DDX56: variants seen among roughly 807,000 people sequenced by gnomAD.
DDX56 encodes the protein DEAD-box helicase 56.
Under a neutral mutation model 61.5 loss-of-function variants are expected in DDX56, and 45 were observed. That is an observed-to-expected ratio of 0.73 (90% CI 0.58 to 0.94). The LOEUF (loss-of-function observed/expected upper bound fraction) is 0.94. DDX56 is among the 40% of genes least tolerant of loss of function. The pLI is 0.00. For missense variants in DDX56, 708 were observed against 690.7 expected, an observed-to-expected ratio of 1.02 and a Z score of -0.28; for synonymous variants, 273 against 268.3, an observed-to-expected ratio of 1.02 and a Z score of -0.17.
intron 9 of DDX56, 122 bp downstream of exon 9, chr7:44,569,687 G>C (rs1434250241): frequency 1.2e-6 from 1 of 854,602 alleles, no homozygotes; most frequent in Non-Finnish European, 1.9e-6. Context: ...GCAGAACAAG[G>C]ATGGATGGTG....
chr7:44,573,063 G>C lies in DDX56; in HGVS notation c.223-13C>G. 6.4e-7 allele frequency: 1 copy of C among 1,552,236 alleles called. No homozygotes were observed. The highest frequency in any genetic ancestry group is 1.2e-5 in the South Asian group (1 of 81,416). On this transcript the variant is annotated splice_polypyrimidine_tract_variant and intron_variant, in intron 2 of 13. Coordinates refer to ENST00000258772, the MANE Select transcript of DDX56 (RefSeq NM_019082.4). ...CCACCGGACCTGTCTGTAAGAATAT[G>C]AATTAAAGACTTTAGCCAGCAGTGC...
intron 5 of DDX56, 57 bp downstream of exon 5, chr7:44,572,290 A>C: frequency 7.0e-7 from 1 of 1,433,162 alleles, no homozygotes; most frequent in Non-Finnish European, 9.8e-7. Context: ...AAGGAGCATC[A>C]AGATCTTTGA....
rs745377534 is a variant in DDX56 at position 44,573,568 on chromosome 7, T to G, written c.222+15A>C. 1 of 1,611,292 alleles carries G rather than the reference T, an allele frequency of 6.2e-7. No individual in the cohort carries two copies. On this transcript the variant is annotated intron_variant, in intron 2 of 13. Transcript: ENST00000258772. ...AGCTTGCCTCCTTCCTCCCCTCAGC[T>G]CTCTCGTTACCCACCGCCTTCCTAT...
At chr7:44,572,498 T>C in intron 4 of DDX56, 61 bp from the exon 5 acceptor site, 1 of 1,613,364 alleles carries the variant, frequency 6.2e-7, no homozygotes, top group East Asian at 2.2e-5. Context: ...AGTAACTGGC[T>C]TCCAGCCACC....
rs1465076024 is a variant in DDX56 at position 44,570,042 on chromosome 7, G to A, written c.1097C>T (p.Pro366Leu). ...AVLNFDLPPTPEAYIHRAGRT... is the reference protein window; with the variant it reads ...AVLNFDLPPTLEAYIHRAGRT... ...GCCAGCTCGATGGATGTAGGCCTCAGGGGTTGGGGGAAGATCAAAGTTGAG... is the reference window on the plus strand; with the variant it reads ...GCCAGCTCGATGGATGTAGGCCTCAAGGGTTGGGGGAAGATCAAAGTTGAG... The change falls in exon 8 of 14, where the codon CCT (proline) becomes CTT (leucine). Residue 366 changes from proline to leucine, a missense_variant. Physicochemically the swap from Pro to Leu is moderately conservative, Grantham distance 98 (BLOSUM62 -3). Coordinates refer to ENST00000258772, the MANE Select transcript of DDX56 (RefSeq NM_019082.4). 6.2e-7 allele frequency: 1 copy of A among 1,614,214 alleles called. No individual in the cohort carries two copies. The highest frequency in any genetic ancestry group is 1.7e-5 in the Admixed American group (1 of 60,032).
chr7:44,566,564 C>T, intron 12 of DDX56, 40 bp from the exon 13 acceptor site: 1 of 1,461,694 alleles, frequency 6.8e-7, no homozygotes, highest in Non-Finnish European at 9.3e-7. Flanking sequence ...CTCACCGCTA[C>T]TGCTCCCATC....
At position 44,573,821 on chromosome 7, in the gene DDX56, A is replaced by G; in HGVS notation, c.60+15T>C. 1 of 1,613,300 alleles carries G rather than the reference A, an allele frequency of 6.2e-7. No homozygotes were observed. The highest frequency in any genetic ancestry group is 8.5e-7 in the Non-Finnish European group (1 of 1,179,992). On this transcript the variant is annotated intron_variant, in intron 1 of 13. Coordinates refer to ENST00000258772, the MANE Select transcript of DDX56 (RefSeq NM_019082.4). ...CGCAGAGCCCGTAAGCCGGCTCCCC[A>G]GCCCTCGCGTGTACCTGAAGGAGCC...
chr7:44,572,507 C>T (rs1802702654), intron 4 of DDX56, 67 bp downstream of exon 4: 8 of 1,613,114 alleles, frequency 5.0e-6, no homozygotes, highest in African/African-American at 1.3e-5. Context: ...CTTCCAGCCA[C>T]CCCGCTCTCG....
In DDX56 at chr7:44,566,062, G is replaced by A. The variant is rs1005519853; in HGVS notation, c.1584C>T (p.Asn528=). Residue 528 remains asparagine (N), a synonymous_variant, in exon 14 of 14, where the codon AAC becomes AAT. Transcript: ENST00000258772. ...CRKAKRAKSQ[N]PLRSFKHKGK... is the part of the protein sequence containing the mutation. Reference sequence around the variant, plus strand: ...CTTTGTGCTTGAAGCTGCGCAGTGGGTTCTGGGACTTTGCTCTCTAAGGAG... The same window carrying A: ...CTTTGTGCTTGAAGCTGCGCAGTGGATTCTGGGACTTTGCTCTCTAAGGAG... 6.2e-7 allele frequency: 1 copy of A among 1,612,036 alleles called. No individual in the cohort carries two copies. Among genetic ancestry groups the A allele is most frequent in the South Asian group, 1.1e-5 (1 of 90,712 alleles).
chr7:44,571,139 A>C (rs2117125273), intron 6 of DDX56, among the ~76,000 whole-genome samples: 1 of 152,330 alleles, frequency 6.6e-6, no homozygotes, highest in Admixed American at 6.5e-5. Context: ...CCCGGGCTCA[A>C]GCAATTCTCC....
rs217374 is a variant in DDX56 at position 44,572,748 on chromosome 7, G to C, written c.384-4C>G. On this transcript the variant is annotated splice_polypyrimidine_tract_variant and splice_region_variant and intron_variant, in intron 3 of 13. Transcript: ENST00000258772. ...TGGCTTCTCCATCAGCACAGCTCTG[G>C]AGGTGGACAAGACATCAGTATCAGG... is the stretch of plus-strand genomic sequence containing the variant. 0.62 allele frequency: 1,002,847 copies of C among 1,613,184 alleles called. 317,910 individuals carry two copies. The highest frequency in any genetic ancestry group is 0.9 in the African/African-American group (67,728 of 75,016).
intron 2 of DDX56, 93 bp from the exon 3 acceptor site, chr7:44,573,143 G>A: frequency 1.7e-6 from 2 of 1,169,328 alleles, no homozygotes; most frequent in Non-Finnish European, 2.4e-6. Context: ...CCCATCTGCT[G>A]CAACACTACT....
rs973203200 is a variant in DDX56, at chr7:44,568,342, G to A, written c.1384-119C>T. On this transcript the variant is annotated intron_variant, in intron 11 of 13. Coordinates refer to ENST00000258772, the MANE Select transcript of DDX56 (RefSeq NM_019082.4). ...CAAAAGGCATGAGGCAGCTGCTTCT[G>A]TGCATTTCTCAGAACCTCCCGGGAG... 7.6e-5 allele frequency: 54 copies of A among 715,232 alleles called. No homozygotes were observed. The African/African-American group carries it at 9.3e-4, about 12-fold the overall frequency. 44.3% of individuals were successfully genotyped at this position (715,232 alleles called of 1,614,324 possible).
chr7:44,568,535 A>G (rs1051466805), intron 11 of DDX56, among the ~76,000 whole-genome samples: 2 of 151,966 alleles, frequency 1.3e-5, no homozygotes, highest in East Asian at 1.9e-4. Flanking sequence ...CAAGCCCCCT[A>G]TGGTGGCCCC....
chr7:44,570,699 C>G, intron 7 of DDX56, 59 bp downstream of exon 7: 1 of 1,560,212 alleles, frequency 6.4e-7, no homozygotes. Context: ...TTTAGTCTTC[C>G]AAAAAGCTAA....
rs925812739 is a variant in DDX56 at position 44,572,876 on chromosome 7, C to G, written c.383+14G>C. 6.3e-7 allele frequency: 1 copy of G among 1,583,466 alleles called. No individual in the cohort carries two copies. Among genetic ancestry groups the G allele is most frequent in the Non-Finnish European group, 8.6e-7 (1 of 1,162,514 alleles). ...GTAGCTTCATTCAGGTACAGCTTTGCTGCTTTTACCCACCTCTGAGAGACT... is the reference window on the plus strand; with the variant it reads ...GTAGCTTCATTCAGGTACAGCTTTGGTGCTTTTACCCACCTCTGAGAGACT... On this transcript the variant is annotated intron_variant, in intron 3 of 13. Coordinates refer to ENST00000258772, the MANE Select transcript of DDX56 (RefSeq NM_019082.4).
In DDX56 at chr7:44,565,869, C is replaced by T; in HGVS notation, c.*133G>A. On this transcript the variant is annotated 3_prime_UTR_variant, in exon 14 of 14. Coordinates refer to ENST00000258772, the MANE Select transcript of DDX56 (RefSeq NM_019082.4). The stretch of plus-strand genomic sequence containing the variant: ...ATGCCAGCTTGGAAGTGCCAAGGAG[C>T]TAAAGGGCCCAGCACTGCCGGCCCC... The T allele has an allele frequency of 1.4e-6, 1 of 722,674 alleles. No individual in the cohort carries two copies. The highest frequency in any genetic ancestry group is 2.4e-6 in the Non-Finnish European group (1 of 409,336). The allele number at this position is 722,674 out of a possible 1,614,324, so 44.8% of individuals were successfully genotyped here. A position where few individuals can be genotyped will look rare whatever the true frequency, so the allele number is the denominator to read the frequency against.
In DDX56 at chr7:44,569,010, A is replaced by T. The variant is rs758296641; in HGVS notation, c.1294-18T>A. On this transcript the variant is annotated intron_variant, in intron 10 of 13. Transcript: ENST00000258772. Reference sequence around the variant, plus strand: ...ATGGCATCCTGGGGGTGGACACTGAAGGTCAAGACAGTGAGGCTGCCCCAA... The same window carrying T: ...ATGGCATCCTGGGGGTGGACACTGATGGTCAAGACAGTGAGGCTGCCCCAA... 5.6e-6 allele frequency: 9 copies of T among 1,613,684 alleles called. No individual in the cohort carries two copies. In the South Asian group the frequency reaches 9.9e-5, roughly 18 times the overall value.
At position 44,569,194 on chromosome 7, in the gene DDX56, C is replaced by A. The variant is rs747695681; in HGVS notation, c.1229G>T (p.Gly410Val). ...IEELLSGENR[G>V]PILLPYQFRM... ...GAACTGGTAGGGGAGCAGAATGGGG[C>A]CCCTGTTCTCTGTGGAGAAGAAAGC... Residue 410 changes from glycine (G) to valine (V), a missense_variant, in exon 10 of 14, where the codon GGC becomes GTC. Transcript: ENST00000258772. 6.8e-6 allele frequency: 11 copies of A among 1,613,852 alleles called. No individual in the cohort carries two copies. In the South Asian group the frequency reaches 7.7e-5, roughly 11 times the overall value.
Sources: gnomAD v4.1 joint callset for allele counts (sites outside exome capture counted in the v4.1 genomes callset) on GRCh38, gnomAD v4.1.1 for gene constraint, MANE v1.5 for transcripts, NCBI Gene and HGNC (gene_info 2026-07-23, HGNC 2026-07-21) for gene names.